Variants in AP3S2 observed in about 807,000 individuals in gnomAD.
The protein encoded by AP3S2 is AP-3 complex subunit sigma-2.
In AP3S2, 22 loss-of-function variants were observed where a neutral mutation model predicts 23.4. That is an observed-to-expected ratio of 0.94 (90% confidence interval 0.67 to 1.34). AP3S2 has a LOEUF of 1.34. Among genes scored for constraint, AP3S2 ranks in the 40% most tolerant of loss-of-function variants. The pLI, the probability that AP3S2 is intolerant of heterozygous loss-of-function variation, is 0.00. For missense variants in AP3S2, 241 were observed against 236.9 expected (o/e 1.02, Z -0.11); for synonymous variants, 86 against 87.1 (o/e 0.99, Z 0.07).
At chr15:89,865,674 C>T (rs1474972016) in intron 4 of AP3S2, 2 of 152,106 alleles carry the variant, frequency 1.3e-5, no homozygotes, top group Non-Finnish European at 2.9e-5. Context: ...AGAGGCCTCA[C>T]CTATGACCCA....
chr15:89,865,422 T>C (rs1458229327), intron 4 of AP3S2: 1 of 152,160 alleles, frequency 6.6e-6, no homozygotes. Context: ...AAATATTTAG[T>C]TAACAGTTCT....
intron 3 of AP3S2, among the ~76,000 whole-genome samples, chr15:89,875,792 C>T (rs1896428964): frequency 6.6e-6 from 1 of 152,000 alleles, no homozygotes; most frequent in Non-Finnish European, 1.5e-5. Flanking sequence ...CTATAAAAAA[C>T]ACAAAAGTTA....
intron 4 of AP3S2, chr15:89,850,501 G>C (rs781489831): frequency 6.6e-5 from 10 of 152,320 alleles, no homozygotes; most frequent in Non-Finnish European, 1.0e-4. Flanking sequence ...CAGAGGCAAA[G>C]AAGAGCAGAT....
At chr15:89,854,707 CG>C (rs1895771170) in intron 4 of AP3S2, among the ~76,000 whole-genome samples, 1 of 9,604 alleles carries the variant, frequency 1.0e-4, no homozygotes, top group Admixed American at 6.1e-4. Flanking sequence ...GTGGGGGGGT[CG>C]GCCCCCCGCC....
chr15:89,862,712 G>C (rs1033845589), intron 4 of AP3S2, among the ~76,000 whole-genome samples: 1 of 152,138 alleles, frequency 6.6e-6, no homozygotes, highest in Admixed American at 6.5e-5. Context: ...AGGGAGAAAT[G>C]GTTTTCAGAA....
At position 89,832,865 on chromosome 15, in the gene AP3S2, A is replaced by G. The variant is rs1895109743; in HGVS notation, c.*2650T>C. The G allele has an allele frequency of 6.6e-6, 1 of 152,216 alleles. No individual in the cohort carries two copies. 9.4% of individuals were successfully genotyped at this position (152,216 alleles called of 1,614,324 possible). A position where few individuals can be genotyped will look rare whatever the true frequency, so the allele number is the denominator to read the frequency against. On this transcript the variant is annotated 3_prime_UTR_variant, in exon 6 of 6. Coordinates refer to ENST00000336418, the MANE Select transcript of AP3S2 (RefSeq NM_005829.5). The stretch of plus-strand genomic sequence containing the variant: ...GGAAAGCTAGCTGAATTTGCAGGCA[A>G]CCTCAAGTAGTTAATGAAAAATTAT...
At chr15:89,841,675 A>G (rs969866932) in intron 4 of AP3S2, among the ~76,000 whole-genome samples, 1 of 152,172 alleles carries the variant, frequency 6.6e-6, no homozygotes, top group African/African-American at 2.4e-5. Flanking sequence ...TTGGCTGGCT[A>G]GAGACTAAGG....
At chr15:89,893,831 A>T (rs548402565) in intron 1 of AP3S2, 50 bp downstream of exon 1, 1 of 1,543,888 alleles carries the variant, frequency 6.5e-7, no homozygotes, top group African/African-American at 1.4e-5. Flanking sequence ...AGAGGAGGGA[A>T]GACATAGTGG....
Position 89,849,574 on chromosome 15 carries a change from A to G in AP3S2, c.346-11852T>C, listed in dbSNP as rs543486256. On this transcript the variant is annotated intron_variant, in intron 4 of 5. Transcript: ENST00000336418. ...GTAGAGACGGGGGTTTCACTATGTT[A>G]GCCAGGATGGTCTCGATCTCCTGAC... Among the ~76,000 whole-genome samples, 18 of 152,126 alleles carry G rather than the reference A, an allele frequency of 1.2e-4. No individual in the cohort carries two copies. In the East Asian group the frequency reaches 1.4e-3, roughly 11 times the overall value.
At position 89,889,156 on chromosome 15, in the gene AP3S2, A is replaced by G. The variant is rs775958551; in HGVS notation, c.70-16T>C. ...TTTCTTCTGGCTATGAAACAAAAAG[A>G]TAAGTGAATCAGTGGGCAAGCCTGA... On this transcript the variant is annotated splice_polypyrimidine_tract_variant and intron_variant, in intron 1 of 5. Transcript: ENST00000336418. 5.0e-5 allele frequency: 80 copies of G among 1,614,002 alleles called. No homozygotes were observed. In the South Asian group the frequency reaches 8.3e-4, roughly 17 times the overall value.
chr15:89,865,073 G>GT lies in AP3S2; in HGVS notation c.345+6401dup, dbSNP rs796774102. On this transcript the variant is annotated intron_variant, in intron 4 of 5. Transcript: ENST00000336418. The stretch of plus-strand genomic sequence containing the variant: ...TCAGGACAGGCTTGGTTAAGTCACA[G>GT]TAACAATTTTAACATTTCATGGCTT... Among the ~76,000 whole-genome samples, 3 of 152,248 alleles carry GT rather than the reference G, an allele frequency of 2.0e-5. No individual in the cohort carries two copies. In the South Asian group the frequency reaches 6.2e-4, roughly 32 times the overall value.
intron 1 of AP3S2, among the ~76,000 whole-genome samples, chr15:89,891,364 CA>C: frequency 6.6e-6 from 1 of 152,190 alleles, no homozygotes; most frequent in East Asian, 1.9e-4. Context: ...AAACTGAAAT[CA>C]AAACCACAAT....
chr15:89,864,853 G>A lies in AP3S2; in HGVS notation c.345+6622C>T, dbSNP rs192406188. On this transcript the variant is annotated intron_variant, in intron 4 of 5. Coordinates refer to ENST00000336418, the MANE Select transcript of AP3S2 (RefSeq NM_005829.5). ...CACTGTGCCCGGTCCTTACAAATAC[G>A]TTTTTAAATCACAGGCAGACAACCT... Among the ~76,000 whole-genome samples, 190 of 152,160 alleles carry A rather than the reference G, an allele frequency of 1.2e-3. 2 individuals are homozygous for A. The highest frequency in any genetic ancestry group is 1.5e-3 in the Non-Finnish European group (102 of 68,008).
chr15:89,867,254 TC>T (rs1187716538), intron 4 of AP3S2, among the ~76,000 whole-genome samples: 26 of 150,056 alleles, frequency 1.7e-4, no homozygotes, highest in African/African-American at 6.3e-4. Context: ...CCGCGAGTGA[TC>T]CGCCAGCCTT....
At chr15:89,837,862 G>A (rs762105936) in intron 4 of AP3S2, 140 bp from the exon 5 acceptor site, 189 of 912,364 alleles carry the variant, frequency 2.1e-4, no homozygotes, top group Middle Eastern at 3.3e-4. Context: ...AAACCCCCCT[G>A]CCCAGTGACA....
At chr15:89,849,693 A>G (rs80040207) in intron 4 of AP3S2, among the ~76,000 whole-genome samples, 1 of 152,018 alleles carries the variant, frequency 6.6e-6, no homozygotes, top group Non-Finnish European at 1.5e-5. Flanking sequence ...TTAAAAAAAA[A>G]TTATACTTTA....
chr15:89,881,244 C>T (rs753768130), intron 3 of AP3S2, among the ~76,000 whole-genome samples: 2 of 152,082 alleles, frequency 1.3e-5, no homozygotes, highest in Non-Finnish European at 2.9e-5. Context: ...AGGAGCCGGA[C>T]CATGTTGGGC....
chr15:89,849,661 C>A (rs147905666), intron 4 of AP3S2, among the ~76,000 whole-genome samples: 20 of 152,172 alleles, frequency 1.3e-4, no homozygotes, highest in Middle Eastern at 3.4e-3. Context: ...GCCACTGCGC[C>A]CAGCCTATGA....
intron 4 of AP3S2, among the ~76,000 whole-genome samples, chr15:89,858,432 A>G (rs1415643881): frequency 1.3e-5 from 2 of 151,086 alleles, no homozygotes; most frequent in Non-Finnish European, 2.9e-5. Context: ...CAAGAGCGAA[A>G]CTCCATCTCA....
Sources: gnomAD v4.1 joint callset for allele counts (sites outside exome capture counted in the v4.1 genomes callset) on GRCh38, gnomAD v4.1.1 for gene constraint, MANE v1.5 for transcripts, NCBI Gene and HGNC (gene_info 2026-07-23, HGNC 2026-07-21) for gene names.